SAMD4A: variants seen among roughly 807,000 people sequenced by gnomAD.
The protein encoded by SAMD4A is protein Smaug homolog 1.
In SAMD4A, 33 loss-of-function variants were observed where a neutral mutation model predicts 81.3. The ratio of observed to expected loss-of-function variants is 0.41; its 90% confidence interval spans 0.31 to 0.54. The LOEUF (loss-of-function observed/expected upper bound fraction) is 0.54. Ranked by LOEUF, SAMD4A falls within the 20% of genes least tolerant of loss-of-function variation. SAMD4A has a pLI of 0.37. For synonymous variants in SAMD4A, 389 were observed against 382.1 expected (o/e 1.02, Z -0.21); for missense variants, 854 against 951.1 (o/e 0.90, Z 1.34).
chr14:54,720,935 C>T (rs1051350321), intron 3 of SAMD4A, among the ~76,000 whole-genome samples: 4 of 152,098 alleles, frequency 2.6e-5, no homozygotes, highest in African/African-American at 9.7e-5. Flanking sequence ...TGAGCCAGTT[C>T]CCTCATGTCC....
At chr14:54,741,401 A>C (rs1176273653) in intron 4 of SAMD4A, among the ~76,000 whole-genome samples, 1 of 152,252 alleles carries the variant, frequency 6.6e-6, no homozygotes, top group East Asian at 1.9e-4. Context: ...ACAAAATGCC[A>C]CAGCTATGAT....
At chr14:54,694,892 C>T (rs992878646) in intron 2 of SAMD4A, 1 of 985,538 alleles carries the variant, frequency 1.0e-6, no homozygotes, top group Non-Finnish European at 1.2e-6. Flanking sequence ...GGAAAGTCTC[C>T]ATGGAAGAAA....
At chr14:54,714,062 A>T (rs979991405) in intron 3 of SAMD4A, among the ~76,000 whole-genome samples, 3 of 152,224 alleles carry the variant, frequency 2.0e-5, no homozygotes, top group African/African-American at 7.2e-5. Context: ...TAAGACTTTA[A>T]ATGTATAATT....
At chr14:54,766,595 AAG>A (rs549236010) in intron 8 of SAMD4A, among the ~76,000 whole-genome samples, 6 of 152,190 alleles carry the variant, frequency 3.9e-5, no homozygotes, top group Non-Finnish European at 8.8e-5. Flanking sequence ...AAGGAGGCAG[AAG>A]AGAGTGATGT....
chr14:54,634,649 G>C (rs2034987746), intron 2 of SAMD4A, among the ~76,000 whole-genome samples: 1 of 152,132 alleles, frequency 6.6e-6, no homozygotes, highest in Admixed American at 6.5e-5. Flanking sequence ...TGTGTGGCCT[G>C]GTTCCTAACA....
At chr14:54,729,620 G>A (rs971122550) in intron 3 of SAMD4A, among the ~76,000 whole-genome samples, 3 of 152,160 alleles carry the variant, frequency 2.0e-5, no homozygotes, top group African/African-American at 4.8e-5. Context: ...AAACTTAAGG[G>A]TTTAGTATAA....
intron 2 of SAMD4A, among the ~76,000 whole-genome samples, chr14:54,646,608 G>A (rs1313565564): frequency 6.6e-6 from 1 of 152,262 alleles, no homozygotes; most frequent in Non-Finnish European, 1.5e-5. Context: ...TTTGGCTTTT[G>A]AGTCCATATA....
intron 2 of SAMD4A, among the ~76,000 whole-genome samples, chr14:54,698,792 C>T (rs928073754): frequency 4.6e-5 from 7 of 152,220 alleles, no homozygotes; most frequent in Non-Finnish European, 1.0e-4. Context: ...GGCCAGCGGC[C>T]TCTCGTTTTC....
chr14:54,572,463 G>T (rs2033157645), intron 2 of SAMD4A, among the ~76,000 whole-genome samples: 1 of 152,242 alleles, frequency 6.6e-6, no homozygotes, highest in South Asian at 2.1e-4. Context: ...TCCTCTGAGA[G>T]GCATGAGTGG....
At chr14:54,752,091 G>A (rs1015274337) in intron 6 of SAMD4A, among the ~76,000 whole-genome samples, 2 of 152,178 alleles carry the variant, frequency 1.3e-5, no homozygotes, top group Non-Finnish European at 2.9e-5. Context: ...ACAACAGAAT[G>A]GGTCCCTGTG....
chr14:54,571,297 A>G (rs978134909), intron 2 of SAMD4A, among the ~76,000 whole-genome samples: 3 of 152,178 alleles, frequency 2.0e-5, no homozygotes, highest in African/African-American at 7.2e-5. Context: ...TTTAACAGAT[A>G]TGGTCATGAT....
chr14:54,612,404 G>C (rs1480331534), intron 2 of SAMD4A, among the ~76,000 whole-genome samples: 2 of 152,054 alleles, frequency 1.3e-5, no homozygotes, highest in African/African-American at 4.8e-5. Context: ...CTGCTTGATA[G>C]AGTTTGGGCT....
chr14:54,581,231 A>C (rs7141453), intron 2 of SAMD4A, among the ~76,000 whole-genome samples: 21,686 of 152,288 alleles, frequency 0.14, 1,963 homozygotes, highest in East Asian at 0.39. Flanking sequence ...CGTATTATAC[A>C]AAAGCAGAGC....
chr14:54,667,929 C>A (rs1052723368), intron 2 of SAMD4A, among the ~76,000 whole-genome samples: 2 of 152,158 alleles, frequency 1.3e-5, no homozygotes, highest in African/African-American at 4.8e-5. Flanking sequence ...GCCTCGGGAG[C>A]CCTGAGGGCC....
At chr14:54,724,007 T>TGGATGGATGGATGGAAGGAAGGAAGGAA (rs1555347506) in intron 3 of SAMD4A, among the ~76,000 whole-genome samples, 1 of 124,176 alleles carries the variant, frequency 8.1e-6, no homozygotes, top group East Asian at 2.5e-4. Context: ...GATGGATGGA[T>TGGATGGATGGATGGAAGGAAGGAAGGAA]GGAAGGAAGG....
chr14:54,667,676 C>T (rs957174577), intron 2 of SAMD4A, among the ~76,000 whole-genome samples: 1 of 152,232 alleles, frequency 6.6e-6, no homozygotes, highest in Non-Finnish European at 1.5e-5. Context: ...ACCCTTCTCT[C>T]TCTTGCTGTC....
chr14:54,703,790 A>G (rs1288428403), intron 3 of SAMD4A: 1 of 152,088 alleles, frequency 6.6e-6, no homozygotes, highest in Non-Finnish European at 1.5e-5. Context: ...AATCACTTGA[A>G]CCCAAGAGGC....
intron 10 of SAMD4A, among the ~76,000 whole-genome samples, chr14:54,775,996 G>A (rs963837930): frequency 3.8e-5 from 5 of 131,030 alleles, no homozygotes; most frequent in African/African-American, 1.5e-4. Flanking sequence ...CCTCGCTTTG[G>A]AGTACATTGT....
chr14:54,624,104 T>C (rs1414455956), intron 2 of SAMD4A, among the ~76,000 whole-genome samples: 1 of 152,088 alleles, frequency 6.6e-6, no homozygotes, highest in Non-Finnish European at 1.5e-5. Context: ...GCCTCCCGAG[T>C]AGCTGGAGCA....
Sources: gnomAD v4.1 joint callset for allele counts (sites outside exome capture counted in the v4.1 genomes callset) on GRCh38, gnomAD v4.1.1 for gene constraint, MANE v1.5 for transcripts, NCBI Gene and HGNC (gene_info 2026-07-23, HGNC 2026-07-21) for gene names.